Variants in STX8 observed in about 807,000 individuals in gnomAD.
STX8 encodes the protein syntaxin-8.
In STX8, 23 loss-of-function variants were observed where a neutral mutation model predicts 37.5. The observed-to-expected ratio is 0.61, with a 90% CI of 0.44 to 0.87. STX8 has a LOEUF of 0.87. Among genes scored for constraint, STX8 ranks in the 40% least tolerant of loss-of-function variants. STX8 has a pLI of 0.00. For missense variants in STX8, 313 were observed against 284.7 expected, an observed-to-expected ratio of 1.10 and a Z score of -0.71; for synonymous variants, 115 against 99.1, an observed-to-expected ratio of 1.16 and a Z score of -0.95.
At chr17:9,573,376 A>G (rs1015752741) in intron 1 of STX8, among the ~76,000 whole-genome samples, 1 of 152,116 alleles carries the variant, frequency 6.6e-6, no homozygotes, top group African/African-American at 2.4e-5. Flanking sequence ...TAACCCAGAC[A>G]TTCGTTTCTA....
At chr17:9,527,203 A>AAAAAAAAAAAG in intron 4 of STX8, among the ~76,000 whole-genome samples, 1 of 143,894 alleles carries the variant, frequency 6.9e-6, no homozygotes, top group Non-Finnish European at 1.5e-5. Context: ...AAAAAAAAAA[A>AAAAAAAAAAAG]GAGGCTGAGG....
At chr17:9,325,212 T>C (rs1169555330) in intron 7 of STX8, among the ~76,000 whole-genome samples, 1 of 152,196 alleles carries the variant, frequency 6.6e-6, no homozygotes, top group African/African-American at 2.4e-5. Context: ...TTAACGATAT[T>C]TTCAACTTAA....
chr17:9,488,313 C>A (rs571251072), intron 6 of STX8, among the ~76,000 whole-genome samples: 4 of 109,936 alleles, frequency 3.6e-5, no homozygotes, highest in African/African-American at 9.8e-5. Flanking sequence ...GCAACAAGGG[C>A]GAAACTCTGT....
At chr17:9,367,304 C>G (rs1911259174) in intron 7 of STX8, among the ~76,000 whole-genome samples, 1 of 151,998 alleles carries the variant, frequency 6.6e-6, no homozygotes, top group Admixed American at 6.6e-5. Context: ...GTCAAAGCCA[C>G]CAGATTCTTC....
chr17:9,522,633 A>G (rs1481778116), intron 4 of STX8, among the ~76,000 whole-genome samples: 1 of 151,656 alleles, frequency 6.6e-6, no homozygotes, highest in Non-Finnish European at 1.5e-5. Context: ...AATGGCGTGA[A>G]CCCAGGAGGC....
At chr17:9,388,460 A>T (rs377196260) in intron 6 of STX8, among the ~76,000 whole-genome samples, 66 of 152,156 alleles carry the variant, frequency 4.3e-4, no homozygotes, top group African/African-American at 1.4e-3. Flanking sequence ...CAAATACCCC[A>T]GTATAACAAC....
At chr17:9,395,577 A>G (rs773266182) in intron 6 of STX8, among the ~76,000 whole-genome samples, 3 of 152,172 alleles carry the variant, frequency 2.0e-5, no homozygotes, top group Admixed American at 1.3e-4. Context: ...GACTGTCTCA[A>G]ACAAAACAAA....
intron 7 of STX8, among the ~76,000 whole-genome samples, chr17:9,251,280 G>A (rs1026540373): frequency 3.9e-5 from 6 of 152,200 alleles, no homozygotes; most frequent in Non-Finnish European, 1.5e-5. Context: ...CCTCTGGGTC[G>A]TGTGTCTGCA....
At position 9,396,150 on chromosome 17, in the gene STX8, C is replaced by T. The variant is rs759771701; in HGVS notation, c.542-17497G>A. Among the ~76,000 whole-genome samples, 70 of 152,048 alleles carry T rather than the reference C, an allele frequency of 4.6e-4. 2 individuals carry two copies. The highest frequency in any genetic ancestry group is 4.4e-5 in the Non-Finnish European group (3 of 68,020). ...TCCATTATTTTAGAAGACTGGAATC[C>T]TGATGATAATGTGCTCAGCTCTGAA... On this transcript the variant is annotated intron_variant, in intron 6 of 7. Transcript: ENST00000306357.
At chr17:9,294,709 C>T (rs562060338) in intron 7 of STX8, among the ~76,000 whole-genome samples, 4 of 152,284 alleles carry the variant, frequency 2.6e-5, no homozygotes, top group Admixed American at 2.0e-4. Context: ...TGGACTGAAT[C>T]GTATCACCCC....
At chr17:9,293,625 T>C (rs1158947690) in intron 7 of STX8, among the ~76,000 whole-genome samples, 2 of 152,140 alleles carry the variant, frequency 1.3e-5, no homozygotes, top group African/African-American at 2.4e-5. Flanking sequence ...ACCATAAAAA[T>C]AGAATACTGT....
rs144596585 is a variant in STX8 at position 9,266,923 on chromosome 17, T to C, written c.644-16278A>G. Among the ~76,000 whole-genome samples the C allele has an allele frequency of 3.0e-3, 457 of 152,326 alleles. 2 individuals carry two copies. Among genetic ancestry groups the C allele is most frequent in the African/African-American group, 0.01 (422 of 41,578 alleles). On this transcript the variant is annotated intron_variant, in intron 7 of 7. Coordinates refer to ENST00000306357, the MANE Select transcript of STX8 (RefSeq NM_004853.3). Reference sequence around the variant, plus strand: ...TTATTCAGTGTGGCTCTGAAGCCTGTCCCCTTTGTCGGGGCAGAAAAAATG... The same window carrying C: ...TTATTCAGTGTGGCTCTGAAGCCTGCCCCCTTTGTCGGGGCAGAAAAAATG...
intron 6 of STX8, among the ~76,000 whole-genome samples, chr17:9,446,440 G>T (rs147367670): frequency 6.6e-6 from 1 of 152,156 alleles, no homozygotes; most frequent in Non-Finnish European, 1.5e-5. Context: ...TTACCACCAC[G>T]TCCACAGTTG....
At chr17:9,350,458 G>C (rs2072788856) in intron 7 of STX8, among the ~76,000 whole-genome samples, 1 of 152,132 alleles carries the variant, frequency 6.6e-6, no homozygotes, top group Non-Finnish European at 1.5e-5. Flanking sequence ...TCTTCTGATT[G>C]ACCCTAGAAG....
rs373801244 is a variant in STX8 at position 9,274,452 on chromosome 17, G to A, written c.644-23807C>T. The stretch of plus-strand genomic sequence containing the variant: ...AGCACTTTGGGAGGCTGAGGCGGGC[G>A]GATCACAAGGTCAGGAGATCGAGAC... On this transcript the variant is annotated intron_variant, in intron 7 of 7. Coordinates refer to ENST00000306357, the MANE Select transcript of STX8 (RefSeq NM_004853.3). 5.3e-5 allele frequency among the ~76,000 whole-genome samples: 8 copies of A among 151,940 alleles called. No homozygotes were observed. The East Asian group carries it at 7.8e-4, about 15-fold the overall frequency.
At chr17:9,529,795 G>A (rs1905740469) in intron 4 of STX8, among the ~76,000 whole-genome samples, 1 of 152,144 alleles carries the variant, frequency 6.6e-6, no homozygotes, top group East Asian at 1.9e-4. Context: ...TTATACTATA[G>A]ATGTTCATTG....
chr17:9,327,272 GAGGAAGA>G (rs1361811210), intron 7 of STX8, among the ~76,000 whole-genome samples: 1 of 149,730 alleles, frequency 6.7e-6, no homozygotes, highest in Non-Finnish European at 1.5e-5. Context: ...GAGGAGGAAG[GAGGAAGA>G]AGGAAGAAAG....
intron 7 of STX8, among the ~76,000 whole-genome samples, chr17:9,272,914 CTCTT>C (rs1448821109): frequency 3.3e-5 from 5 of 152,220 alleles, no homozygotes; most frequent in East Asian, 1.9e-4. Context: ...ATTCCTTGTT[CTCTT>C]TCTAAGAACG....
chr17:9,512,462 T>C (rs999699476), intron 4 of STX8, among the ~76,000 whole-genome samples: 2 of 151,480 alleles, frequency 1.3e-5, no homozygotes, highest in African/African-American at 2.4e-5. Flanking sequence ...TAGAGCCAAC[T>C]GATCTTTTTT....
Sources: allele counts gnomAD v4.1 joint callset (sites outside exome capture counted in the v4.1 genomes callset), GRCh38; gene constraint gnomAD v4.1.1; transcripts MANE v1.5; gene names NCBI Gene and HGNC (gene_info 2026-07-23, HGNC 2026-07-21).